The following COL4A2 variants were observed in gnomAD, a reference collection of about 807,000 sequenced individuals.
COL4A2 encodes collagen alpha-2(IV) chain.
In COL4A2, 99 loss-of-function variants were observed where a neutral mutation model predicts 200.2. That is an observed-to-expected ratio of 0.49 (90% CI 0.42 to 0.58). COL4A2 has a LOEUF of 0.58. Ranked by LOEUF, COL4A2 falls within the 20% of genes least tolerant of loss-of-function variation. The pLI is 0.00. For missense variants in COL4A2, 1,950 were observed against 2,314.1 expected (o/e 0.84, Z 3.23); for synonymous variants, 897 against 900.6 (o/e 1.00, Z 0.07).
chr13:110,343,603 A>C (rs562070968), intron 3 of COL4A2, among the ~76,000 whole-genome samples: 24 of 152,324 alleles, frequency 1.6e-4, no homozygotes, highest in African/African-American at 5.5e-4. Context: ...CATGGCCCCA[A>C]AGCCCCTGGG....
rs1436216776 is a variant in COL4A2 at position 110,508,255 on chromosome 13, C to T, written c.4881+34C>T. The T allele has an allele frequency of 6.2e-7, 1 of 1,605,360 alleles. No homozygotes were observed. Among genetic ancestry groups the T allele is most frequent in the East Asian group, 2.2e-5 (1 of 44,760 alleles). On this transcript the variant is annotated intron_variant, in intron 47 of 47. Coordinates refer to ENST00000360467, the MANE Select transcript of COL4A2 (RefSeq NM_001846.4). The surrounding 1 kb of genome is among the most constrained non-coding windows in gnomAD (Gnocchi z 6.1). Reference sequence around the variant, plus strand: ...TATTTGCCCAGTTCCCCTCCCCAACCACACCCTGCTGGGGACACAGCAAGA... The same window carrying T: ...TATTTGCCCAGTTCCCCTCCCCAACTACACCCTGCTGGGGACACAGCAAGA...
Position 110,465,889 on chromosome 13 carries a change from G to A in COL4A2, c.1979-114G>A, listed in dbSNP as rs1882221820. The A allele has an allele frequency of 2.3e-6, 3 of 1,302,516 alleles. No homozygotes were observed. In the East Asian group the frequency reaches 7.1e-5, roughly 31 times the overall value. 80.7% of individuals were successfully genotyped at this position (1,302,516 alleles called of 1,614,324 possible). On this transcript the variant is annotated intron_variant, in intron 25 of 47. Coordinates refer to ENST00000360467, the MANE Select transcript of COL4A2 (RefSeq NM_001846.4). ...TCCCTGCCCATTTCAAAGCCTTCCTGCCCCCACCAGCAACATATACGACAC... is the reference window on the plus strand; with the variant it reads ...TCCCTGCCCATTTCAAAGCCTTCCTACCCCCACCAGCAACATATACGACAC...
At chr13:110,468,821 A>G (rs932074300) in intron 27 of COL4A2, among the ~76,000 whole-genome samples, 1 of 152,352 alleles carries the variant, frequency 6.6e-6, no homozygotes, top group Admixed American at 6.5e-5. Context: ...GAGTCACCTC[A>G]TAGTCCTCGT....
At chr13:110,402,845 A>AT (rs1167370747) in intron 4 of COL4A2, among the ~76,000 whole-genome samples, 2 of 145,264 alleles carry the variant, frequency 1.4e-5, no homozygotes, top group Admixed American at 1.4e-4. Context: ...AGGTGGCCAC[A>AT]TTCTCACAGC....
chr13:110,457,405 C>G lies in COL4A2; in HGVS notation c.1402C>G (p.Pro468Ala). The G allele has an allele frequency of 1.2e-6, 2 of 1,611,702 alleles. No homozygotes were observed. Among genetic ancestry groups the G allele is most frequent in the East Asian group, 4.5e-5 (2 of 44,854 alleles). The change falls in exon 21 of 48, where the codon CCT (proline) becomes GCT (alanine). Residue 468 changes from proline (P) to alanine (A), a missense_variant. Pro to Ala is a conservative substitution (Grantham distance 27, BLOSUM62 -1). Coordinates refer to ENST00000360467, the MANE Select transcript of COL4A2 (RefSeq NM_001846.4). ...RAGFPGLPGS[P>A]GARGPKGWKG... The stretch of plus-strand genomic sequence containing the variant: ...AGGCTTCCCTGGGCTTCCCGGCTCC[C>G]CTGGAGCCCGCGGACCAAAGGGGTG...
chr13:110,424,707 G>A (rs1226195454), intron 4 of COL4A2, 27 bp from the exon 5 acceptor site: 2 of 1,526,522 alleles, frequency 1.3e-6, no homozygotes, highest in Non-Finnish European at 1.8e-6. Flanking sequence ...ATTAATCGTG[G>A]AAATTGAACC....
intron 22 of COL4A2, chr13:110,459,754 TATC>T (rs1881948010): frequency 6.6e-6 from 1 of 152,252 alleles, no homozygotes; most frequent in Non-Finnish European, 1.5e-5. Flanking sequence ...CAAAAAAACC[TATC>T]ATTTTTAATG....
intron 3 of COL4A2, among the ~76,000 whole-genome samples, chr13:110,334,092 G>C (rs1241988373): frequency 1.3e-5 from 2 of 152,220 alleles, no homozygotes; most frequent in African/African-American, 2.4e-5. Context: ...ACCCAGGTGT[G>C]GCCTGTGTCC....
chr13:110,423,663 G>A (rs1880346388), intron 4 of COL4A2, among the ~76,000 whole-genome samples: 1 of 152,126 alleles, frequency 6.6e-6, no homozygotes, highest in African/African-American at 2.4e-5. Context: ...TCCATCTCCA[G>A]AACTTTCTCA....
At chr13:110,338,989 C>T (rs1478547705) in intron 3 of COL4A2, among the ~76,000 whole-genome samples, 3 of 152,212 alleles carry the variant, frequency 2.0e-5, no homozygotes, top group African/African-American at 7.2e-5. Context: ...TAATCAGTGA[C>T]TTGTGGTTGG....
At chr13:110,439,710 C>CCCT in intron 15 of COL4A2, 79 bp from the exon 16 acceptor site, 1 of 1,604,422 alleles carries the variant, frequency 6.2e-7, no homozygotes, top group Non-Finnish European at 8.5e-7. Context: ...GTGATCACAG[C>CCCT]CAGGTGCCGT....
In COL4A2 at chr13:110,499,165, C is replaced by G. The variant is rs117855176; in HGVS notation, c.3761-2503C>G. Among the ~76,000 whole-genome samples the G allele has an allele frequency of 5.2e-4, 79 of 152,388 alleles. 1 individual carries two copies. The East Asian group carries it at 0.015, about 29-fold the overall frequency. ...TATGGGAATAATTTGAATCCGTCAT[C>G]TTCCTTCGCATGAGTTGCATCTCAT... On this transcript the variant is annotated intron_variant, in intron 40 of 47. Transcript: ENST00000360467.
chr13:110,425,766 A>C (rs1880448865), intron 6 of COL4A2, among the ~76,000 whole-genome samples: 1 of 152,236 alleles, frequency 6.6e-6, no homozygotes, highest in East Asian at 1.9e-4. Flanking sequence ...GCACACGCAC[A>C]GGGAGAGAGA....
chr13:110,411,799 A>T (rs773646178), intron 4 of COL4A2, among the ~76,000 whole-genome samples: 3 of 152,238 alleles, frequency 2.0e-5, no homozygotes, highest in Admixed American at 1.3e-4. Context: ...GTCTGTGTGG[A>T]TGACAATGCC....
At chr13:110,323,575 C>G (rs1331033211) in intron 3 of COL4A2, among the ~76,000 whole-genome samples, 1 of 152,210 alleles carries the variant, frequency 6.6e-6, no homozygotes, top group East Asian at 1.9e-4. Flanking sequence ...TGCAGGATGC[C>G]CAGTGCCAGC....
At chr13:110,493,069 TGA>T in intron 38 of COL4A2, 140 bp from the exon 39 acceptor site, 2 of 863,104 alleles carry the variant, frequency 2.3e-6, no homozygotes, top group South Asian at 1.4e-5. Flanking sequence ...TAACGATGAG[TGA>T]CACCCCCATG....
rs982975270 is a variant in COL4A2 at position 110,491,257 on chromosome 13, A to C, written c.3371A>C (p.Lys1124Thr). ...IPGLKGFFGE[K>T]GTEGDIGFPG... ...GGTCTGAAGGGATTCTTTGGAGAGA[A>C]GGGAACAGAAGGTGACATCGGCTTC... The change falls in exon 37 of 48, where the codon AAG (lysine) becomes ACG (threonine). Residue 1124 changes from lysine to threonine, a missense_variant. Transcript: ENST00000360467. 1.2e-6 allele frequency: 2 copies of C among 1,600,570 alleles called. No individual in the cohort carries two copies. Among genetic ancestry groups the C allele is most frequent in the African/African-American group, 1.3e-5 (1 of 74,582 alleles).
At chr13:110,485,289 C>T (rs1313912664) in intron 33 of COL4A2, among the ~76,000 whole-genome samples, 4 of 152,022 alleles carry the variant, frequency 2.6e-5, no homozygotes, top group East Asian at 3.9e-4. Flanking sequence ...TTTGGGAGGC[C>T]GAGGCGGGTG....
intron 4 of COL4A2, among the ~76,000 whole-genome samples, chr13:110,397,665 A>T (rs1246217858): frequency 6.6e-6 from 1 of 152,212 alleles, no homozygotes; most frequent in Non-Finnish European, 1.5e-5. Flanking sequence ...CATGTGGACC[A>T]CGCAGAAAGC....
Sources: allele counts gnomAD v4.1 joint callset (sites outside exome capture counted in the v4.1 genomes callset), GRCh38; gene constraint gnomAD v4.1.1; non-coding constraint Gnocchi (gnomAD v3.1); transcripts MANE v1.5; gene names NCBI Gene and HGNC (gene_info 2026-07-23, HGNC 2026-07-21).